Variants in ANKIB1 observed in about 807,000 individuals in gnomAD.
ANKIB1 encodes ankyrin repeat and IBR domain containing 1.
ANKIB1 carries 43 observed loss-of-function variants against 122.1 expected under a neutral mutation model. The ratio of observed to expected loss-of-function variants is 0.35; its 90% confidence interval spans 0.28 to 0.45. The LOEUF is 0.45. ANKIB1 is among the 20% of genes least tolerant of loss of function. ANKIB1 has a pLI of 1.00. For synonymous variants in ANKIB1, 390 were observed against 442.0 expected (o/e 0.88, Z 1.48); for missense variants, 992 against 1,329.5 (o/e 0.75, Z 3.95).
At chr7:92,249,945 A>AT (rs957358211) in intron 1 of ANKIB1, among the ~76,000 whole-genome samples, 8 of 151,916 alleles carry the variant, frequency 5.3e-5, no homozygotes, top group South Asian at 2.1e-4. Flanking sequence ...GTATTACTGG[A>AT]TTTTTTTTTC....
chr7:92,284,716 T>C (rs1385049637), intron 1 of ANKIB1, among the ~76,000 whole-genome samples: 2 of 152,194 alleles, frequency 1.3e-5, no homozygotes, highest in Non-Finnish European at 2.9e-5. Context: ...CATAGAGAAG[T>C]ACATAATGTA....
At chr7:92,394,173 C>T (rs1804840589) in intron 17 of ANKIB1, among the ~76,000 whole-genome samples, 1 of 152,096 alleles carries the variant, frequency 6.6e-6, no homozygotes, top group African/African-American at 2.4e-5. Context: ...GGTGATACCC[C>T]ATGGAAGTTC....
At chr7:92,304,739 A>G (rs1299110646) in intron 2 of ANKIB1, among the ~76,000 whole-genome samples, 1 of 152,158 alleles carries the variant, frequency 6.6e-6, no homozygotes. Context: ...TATGGTTTTA[A>G]TTTTGGCTAT....
chr7:92,375,987 T>TGA (rs1219673988), intron 11 of ANKIB1, among the ~76,000 whole-genome samples: 1 of 152,212 alleles, frequency 6.6e-6, no homozygotes, highest in Non-Finnish European at 1.5e-5. Flanking sequence ...GCATTGCCAA[T>TGA]GAGCAGTAAT....
At chr7:92,248,614 A>G (rs1288256784) in intron 1 of ANKIB1, among the ~76,000 whole-genome samples, 1 of 152,334 alleles carries the variant, frequency 6.6e-6, no homozygotes, top group East Asian at 1.9e-4. Flanking sequence ...TTGAGGATGC[A>G]TATGACATTT....
In ANKIB1 at chr7:92,271,563, A is replaced by G. The variant is rs542281500; in HGVS notation, c.-90-23326A>G. On this transcript the variant is annotated intron_variant, in intron 1 of 19. Transcript: ENST00000265742. ...TTGGGGAGAATTGACACCTCTAACT[A>G]TGTTGAGCCGGAAAACTTTTTTAAA... is the stretch of plus-strand genomic sequence containing the variant. Among the ~76,000 whole-genome samples the G allele has an allele frequency of 3.1e-4, 47 of 152,322 alleles. 1 individual carries two copies. In the South Asian group the frequency reaches 9.5e-3, roughly 31 times the overall value.
intron 14 of ANKIB1, among the ~76,000 whole-genome samples, chr7:92,389,402 T>G (rs1261868327): frequency 1.3e-5 from 2 of 151,750 alleles, no homozygotes; most frequent in South Asian, 2.1e-4. Context: ...AAACAAAGAG[T>G]CTCAGATATT....
intron 1 of ANKIB1, among the ~76,000 whole-genome samples, chr7:92,251,493 A>C (rs1801330603): frequency 6.6e-6 from 1 of 152,140 alleles, no homozygotes; most frequent in Non-Finnish European, 1.5e-5. Flanking sequence ...TTTTCAGATG[A>C]AAAAAATCAT....
At chr7:92,393,592 T>C (rs1017035729) in intron 17 of ANKIB1, among the ~76,000 whole-genome samples, 13 of 152,112 alleles carry the variant, frequency 8.5e-5, no homozygotes, top group Non-Finnish European at 1.3e-4. Context: ...TTCACAAGCA[T>C]GTATGTGTAT....
chr7:92,264,951 C>G (rs1218241106), intron 1 of ANKIB1, among the ~76,000 whole-genome samples: 1 of 152,110 alleles, frequency 6.6e-6, no homozygotes, highest in Non-Finnish European at 1.5e-5. Context: ...ATAGGGTGTT[C>G]AAAGAAAGTA....
chr7:92,348,050 A>G (rs925655949), intron 7 of ANKIB1: 2 of 419,016 alleles, frequency 4.8e-6, no homozygotes, highest in Admixed American at 6.2e-5. Flanking sequence ...TCTTTTAGTG[A>G]CACTTATCAA....
chr7:92,358,140 G>A (rs1803863383), intron 9 of ANKIB1, among the ~76,000 whole-genome samples: 1 of 152,156 alleles, frequency 6.6e-6, no homozygotes, highest in Non-Finnish European at 1.5e-5. Flanking sequence ...TACTCGGGAG[G>A]CTGAGGCAGG....
At position 92,295,011 on chromosome 7, in the gene ANKIB1, A is replaced by G. The variant is rs1226657832; in HGVS notation, c.33A>G (p.Ala11=). The G allele has an allele frequency of 1.9e-6, 3 of 1,605,364 alleles. No individual in the cohort carries two copies. Among genetic ancestry groups the G allele is most frequent in the African/African-American group, 1.3e-5 (1 of 74,746 alleles). Residue 11 remains alanine (A), a synonymous_variant, in exon 2 of 20, where the codon GCA becomes GCG. Coordinates refer to ENST00000265742, the MANE Select transcript of ANKIB1 (RefSeq NM_019004.2). ...ATACAACCACCAAATTCCGTAAAGC[A>G]CTCATCAATGGTGATGAAAACCTGG... MGNTTTKFRK[A]LINGDENLAC... is the part of the protein sequence containing the mutation.
At chr7:92,368,204 A>G (rs1804140184) in intron 10 of ANKIB1, among the ~76,000 whole-genome samples, 2 of 151,946 alleles carry the variant, frequency 1.3e-5, no homozygotes, top group South Asian at 4.2e-4. Context: ...AACTGTTCAC[A>G]TGCATACATG....
intron 11 of ANKIB1, among the ~76,000 whole-genome samples, chr7:92,381,087 G>T (rs1804501987): frequency 6.6e-6 from 1 of 152,154 alleles, no homozygotes; most frequent in Non-Finnish European, 1.5e-5. Flanking sequence ...TGAAAACCAT[G>T]GCACGAGAAC....
intron 16 of ANKIB1, 78 bp downstream of exon 16, chr7:92,391,422 G>C: frequency 7.9e-7 from 1 of 1,263,312 alleles, no homozygotes; most frequent in Non-Finnish European, 1.0e-6. Context: ...ATCCAACTAG[G>C]GTTCATATTC....
At chr7:92,361,069 C>T (rs755149323) in intron 9 of ANKIB1, among the ~76,000 whole-genome samples, 11 of 152,108 alleles carry the variant, frequency 7.2e-5, no homozygotes, top group Non-Finnish European at 1.2e-4. Context: ...TAAAATAGCA[C>T]TGATGGTGAT....
chr7:92,360,670 C>G (rs933539373), intron 9 of ANKIB1, among the ~76,000 whole-genome samples: 1 of 152,314 alleles, frequency 6.6e-6, no homozygotes, highest in Non-Finnish European at 1.5e-5. Flanking sequence ...TTTTTCACAG[C>G]AACTGCATCA....
At chr7:92,353,488 C>A (rs1803709150) in intron 9 of ANKIB1, among the ~76,000 whole-genome samples, 1 of 152,036 alleles carries the variant, frequency 6.6e-6, no homozygotes, top group African/African-American at 2.4e-5. Flanking sequence ...GTTTTTTGCT[C>A]ATTTCCAGAA....
Sources: allele counts gnomAD v4.1 joint callset (sites outside exome capture counted in the v4.1 genomes callset), GRCh38; gene constraint gnomAD v4.1.1; transcripts MANE v1.5; gene names NCBI Gene and HGNC (gene_info 2026-07-23, HGNC 2026-07-21).